TJP2: variants seen among roughly 807,000 people sequenced by gnomAD.
TJP2 encodes the protein Friedreich ataxia region gene X104 (tight junction protein ZO-2).
In TJP2, 91 loss-of-function variants were observed where a neutral mutation model predicts 133.1. The ratio of observed to expected loss-of-function variants is 0.68; its 90% CI spans 0.58 to 0.81. The LOEUF is 0.81. TJP2 is among the 40% of genes least tolerant of loss of function. The pLI is 0.00. For missense variants in TJP2, 1,541 were observed against 1,565.6 expected (o/e 0.98, Z 0.26); for synonymous variants, 592 against 583.4 (o/e 1.01, Z -0.21).
chr9:69,179,523 T>G (rs1479572223), intron 1 of TJP2, among the ~76,000 whole-genome samples: 1 of 151,256 alleles, frequency 6.6e-6, no homozygotes, highest in Non-Finnish European at 1.5e-5. Flanking sequence ...TTTTTTTTTT[T>G]TTTGAGACGG....
chr9:69,167,889 G>A (rs1026236401), intron 2 of TJP2, among the ~76,000 whole-genome samples: 6 of 150,240 alleles, frequency 4.0e-5, no homozygotes, highest in Admixed American at 6.6e-5. Flanking sequence ...AAAAGAAGAA[G>A]AAGAAGAATG....
chr9:69,140,625 G>A (rs1822978893), intron 1 of TJP2, among the ~76,000 whole-genome samples: 1 of 152,156 alleles, frequency 6.6e-6, no homozygotes, highest in African/African-American at 2.4e-5. Context: ...AGAGGTGACT[G>A]ATATTCCCCT....
At chr9:69,252,455 C>A (rs1831408601) in intron 21 of TJP2, among the ~76,000 whole-genome samples, 1 of 152,210 alleles carries the variant, frequency 6.6e-6, no homozygotes, top group Non-Finnish European at 1.5e-5. Flanking sequence ...CAGTCCCTGG[C>A]ACCCACTCCT....
At chr9:69,217,562 G>T (rs1386767835) in intron 3 of TJP2, among the ~76,000 whole-genome samples, 1 of 152,108 alleles carries the variant, frequency 6.6e-6, no homozygotes, top group Admixed American at 6.6e-5. Flanking sequence ...ACCTACTCGG[G>T]TCCCAGCTAC....
At chr9:69,208,684 A>G (rs1488154310) in intron 1 of TJP2, among the ~76,000 whole-genome samples, 1 of 152,232 alleles carries the variant, frequency 6.6e-6, no homozygotes, top group Non-Finnish European at 1.5e-5. Context: ...ATTCTCTATA[A>G]TAGCACAGCT....
chr9:69,216,240 C>T lies in TJP2; in HGVS notation c.115-99C>T, dbSNP rs1190460562. 3.5e-6 allele frequency: 5 copies of T among 1,431,536 alleles called. No homozygotes were observed. The African/African-American group carries it at 4.2e-5, about 12-fold the overall frequency. The allele number at this position is 1,431,536 out of a possible 1,614,324, so 88.7% of individuals were successfully genotyped here. On this transcript the variant is annotated intron_variant, in intron 2 of 22. Transcript: ENST00000377245. ...AAGCCCATCTGTTCCTGAACAGTCT[C>T]TGGTTATTGATTTGACCTTTATTTT...
At chr9:69,132,128 T>C (rs530938378) in intron 1 of TJP2, among the ~76,000 whole-genome samples, 1 of 152,330 alleles carries the variant, frequency 6.6e-6, no homozygotes, top group African/African-American at 2.4e-5. Context: ...GGGAAGCTTA[T>C]AAGGGACTCA....
At chr9:69,134,529 G>A (rs1822641448) in intron 1 of TJP2, among the ~76,000 whole-genome samples, 1 of 152,180 alleles carries the variant, frequency 6.6e-6, no homozygotes, top group Admixed American at 6.5e-5. Flanking sequence ...GAGGCGGATA[G>A]TGAAGCAGTG....
At chr9:69,226,714 G>T (rs528842988) in intron 7 of TJP2, among the ~76,000 whole-genome samples, 27 of 152,260 alleles carry the variant, frequency 1.8e-4, no homozygotes, top group African/African-American at 6.3e-4. Flanking sequence ...GGCCAGGCTG[G>T]TCTTGAACTC....
At chr9:69,145,892 A>C (rs1823191535) in intron 1 of TJP2, 4 of 891,594 alleles carry the variant, frequency 4.5e-6, no homozygotes, top group Non-Finnish European at 5.9e-6. Context: ...ACCCATATAG[A>C]AAAAAGGGTC....
chr9:69,249,567 G>A, intron 20 of TJP2, 82 bp downstream of exon 20: 2 of 1,549,128 alleles, frequency 1.3e-6, no homozygotes, highest in Non-Finnish European at 1.7e-6. Context: ...GGAGGAGCAT[G>A]CACACTGAGA....
At chr9:69,229,364 C>A in intron 10 of TJP2, 114 bp downstream of exon 10, 1 of 953,602 alleles carries the variant, frequency 1.0e-6, no homozygotes, top group Non-Finnish European at 1.7e-6. Flanking sequence ...ACACTGTCAG[C>A]CACCTGTAAC....
In TJP2 at chr9:69,177,020, C is replaced by G. The variant is rs976839553; in HGVS notation, c.60+2588C>G. On this transcript the variant is annotated intron_variant, in intron 1 of 22. Coordinates refer to ENST00000377245, the MANE Select transcript of TJP2 (RefSeq NM_004817.4). ...GGTTCGCAATCACTGCTGAAACTTT[C>G]AACATATTCTACCAACAATATGAGC... 2.6e-5 allele frequency among the ~76,000 whole-genome samples: 4 copies of G among 152,166 alleles called. No homozygotes were observed. In the East Asian group the frequency reaches 7.7e-4, roughly 29 times the overall value.
At chr9:69,121,528 C>G in exon 1 of TJP2, 1 of 210,464 alleles carries the variant, frequency 4.8e-6, no homozygotes, top group Non-Finnish European at 8.3e-6. Context: ...GCCGCGGAGG[C>G]CGCTGGCGCC....
intron 13 of TJP2, among the ~76,000 whole-genome samples, chr9:69,236,483 T>G (rs577067689): frequency 6.6e-6 from 1 of 152,202 alleles, no homozygotes; most frequent in South Asian, 2.1e-4. Flanking sequence ...CTAAGGAGCA[T>G]CCACTGCCTT....
intron 5 of TJP2, among the ~76,000 whole-genome samples, chr9:69,222,803 T>A (rs1828988704): frequency 1.3e-5 from 2 of 151,920 alleles, no homozygotes; most frequent in African/African-American, 2.4e-5. Flanking sequence ...GTGCAGTGGC[T>A]CACACCTGTA....
Position 69,201,274 on chromosome 9 carries a change from A to G in TJP2, c.61-11274A>G, listed in dbSNP as rs187378706. 1.7e-3 allele frequency among the ~76,000 whole-genome samples: 264 copies of G among 152,306 alleles called. 1 individual carries two copies. Among genetic ancestry groups the G allele is most frequent in the African/African-American group, 6.2e-3 (257 of 41,572 alleles). On this transcript the variant is annotated intron_variant, in intron 1 of 22. Coordinates refer to ENST00000377245, the MANE Select transcript of TJP2 (RefSeq NM_004817.4). ...CTCATGGAGGTAGCTGTCCACCACA[A>G]AATGTCCTTCTGATGCCATTGGTAG...
intron 11 of TJP2, among the ~76,000 whole-genome samples, chr9:69,230,899 G>A (rs1425352496): frequency 6.6e-6 from 1 of 152,056 alleles, no homozygotes; most frequent in East Asian, 1.9e-4. Context: ...ATCTAAAATT[G>A]TCCAAGAAAG....
intron 3 of TJP2, among the ~76,000 whole-genome samples, chr9:69,217,427 A>G (rs7041781): frequency 0.41 from 62,958 of 152,080 alleles, 13,610 homozygotes; most frequent in African/African-American, 0.52. Context: ...AGCCTCTGTG[A>G]ACTAAGCACA....
Sources: allele counts gnomAD v4.1 joint callset (sites outside exome capture counted in the v4.1 genomes callset), GRCh38; gene constraint gnomAD v4.1.1; transcripts MANE v1.5; gene names NCBI Gene and HGNC (gene_info 2026-07-23, HGNC 2026-07-21).